Variants in CCNY observed in about 807,000 individuals in gnomAD.
CCNY encodes the protein cyclin Y.
Under a neutral mutation model 42.8 loss-of-function variants are expected in CCNY, and 19 were observed. The observed-to-expected ratio is 0.44, with a 90% confidence interval of 0.31 to 0.65. The LOEUF is 0.65. CCNY is among the 30% of genes least tolerant of loss of function. CCNY has a pLI of 0.07. For missense variants in CCNY, 370 were observed against 437.3 expected, an observed-to-expected ratio of 0.85 and a Z score of 1.37; for synonymous variants, 165 against 162.7, an observed-to-expected ratio of 1.01 and a Z score of -0.11.
At chr10:35,546,893 C>T (rs1350580350) in intron 7 of CCNY, among the ~76,000 whole-genome samples, 2 of 152,142 alleles carry the variant, frequency 1.3e-5, no homozygotes, top group Non-Finnish European at 2.9e-5. Context: ...CTGACCTCTG[C>T]GGAGAGCTTG....
intron 7 of CCNY, among the ~76,000 whole-genome samples, 175 bp from the exon 8 acceptor site, chr10:35,552,844 T>C (rs1841287732): frequency 6.6e-6 from 1 of 152,230 alleles, no homozygotes; most frequent in African/African-American, 2.4e-5. Flanking sequence ...AGTGGGACTT[T>C]TAGCCCACGT....
At chr10:35,337,286 C>G (rs1836063740) in intron 1 of CCNY, 79 bp downstream of exon 1, 1 of 1,339,350 alleles carries the variant, frequency 7.5e-7, no homozygotes, top group African/African-American at 1.5e-5. Flanking sequence ...CCCGGCTGCT[C>G]TTGCTTGCCC....
intron 3 of CCNY, chr10:35,250,660 C>G (rs553378932): frequency 4.3e-4 from 66 of 152,474 alleles, no homozygotes; most frequent in Middle Eastern, 3.4e-3. Context: ...TCAATTCTGC[C>G]TAATAGAGCC....
At chr10:35,348,905 G>A (rs1201867332) in intron 1 of CCNY, among the ~76,000 whole-genome samples, 2 of 150,410 alleles carry the variant, frequency 1.3e-5, no homozygotes, top group Non-Finnish European at 3.0e-5. Flanking sequence ...TTTTGAAAAT[G>A]AACCTTACTC....
intron 2 of CCNY, among the ~76,000 whole-genome samples, chr10:35,492,322 T>C (rs1411837435): frequency 6.6e-6 from 1 of 152,252 alleles, no homozygotes; most frequent in Non-Finnish European, 1.5e-5. Context: ...CCTCTGTCCA[T>C]GCTGGCCCAA....
chr10:35,420,328 C>T (rs1838132935), intron 1 of CCNY, among the ~76,000 whole-genome samples: 1 of 152,130 alleles, frequency 6.6e-6, no homozygotes, highest in African/African-American at 2.4e-5. Flanking sequence ...GGAGTGGGAT[C>T]CGACCCCAGT....
intron 3 of CCNY, among the ~76,000 whole-genome samples, chr10:35,268,141 T>C (rs1201702414): frequency 6.6e-6 from 1 of 152,054 alleles, no homozygotes; most frequent in Admixed American, 6.6e-5. Flanking sequence ...GTGATCTGCC[T>C]GCCTTGGCCT....
intron 1 of CCNY, among the ~76,000 whole-genome samples, chr10:35,396,612 G>C (rs1168689466): frequency 6.6e-6 from 1 of 152,264 alleles, no homozygotes; most frequent in Non-Finnish European, 1.5e-5. Context: ...GGGAGAGAGC[G>C]CTCCAGCCTT....
chr10:35,491,683 G>A (rs968895567), intron 2 of CCNY, among the ~76,000 whole-genome samples: 24 of 151,872 alleles, frequency 1.6e-4, no homozygotes, highest in South Asian at 6.2e-4. Flanking sequence ...GCACGATCTC[G>A]GCTCACTGCA....
chr10:35,337,208 G>T lies in CCNY; in HGVS notation c.154+1G>T. On this transcript the variant is annotated splice_donor_variant, in intron 1 of 9. Transcript: ENST00000374704. LOFTEE classifies it high-confidence loss of function. ...ATCAGCGACCGGGAGAACATAGACG[G>T]TGAGTGCGGCCCGCCGAGCCCCCTA... is the stretch of plus-strand genomic sequence containing the variant. 1 of 1,538,544 alleles carries T rather than the reference G, an allele frequency of 6.5e-7. No individual in the cohort carries two copies. The highest frequency in any genetic ancestry group is 2.0e-5 in the Admixed American group (1 of 50,580).
intron 3 of CCNY, among the ~76,000 whole-genome samples, chr10:35,280,482 G>A (rs201113347): frequency 6.2e-5 from 4 of 64,066 alleles, no homozygotes; most frequent in Non-Finnish European, 9.4e-5. Flanking sequence ...AAGGAAAGAA[G>A]GAAGGAAGGA....
At chr10:35,419,533 C>CTTTTTTTTGTTTTTTTTTTTTTTTT (rs1838109119) in intron 1 of CCNY, among the ~76,000 whole-genome samples, 1 of 129,686 alleles carries the variant, frequency 7.7e-6, no homozygotes, top group African/African-American at 3.2e-5. Flanking sequence ...TAGACCGTTC[C>CTTTTTTTTGTTTTTTTTTTTTTTTT]TTTTTTTTTT....
At chr10:35,356,598 A>T (rs960482056) in intron 1 of CCNY, among the ~76,000 whole-genome samples, 19 of 151,022 alleles carry the variant, frequency 1.3e-4, no homozygotes, top group African/African-American at 4.6e-4. Context: ...ATCTGCGCCC[A>T]CTCCTTAACC....
At chr10:35,385,040 C>T (rs1478854753) in intron 1 of CCNY, among the ~76,000 whole-genome samples, 6 of 152,156 alleles carry the variant, frequency 3.9e-5, no homozygotes, top group Non-Finnish European at 8.8e-5. Flanking sequence ...CTACAGCCTT[C>T]GTTCCTACCA....
intron 1 of CCNY, among the ~76,000 whole-genome samples, chr10:35,348,632 C>G (rs982465051): frequency 1.3e-5 from 2 of 152,150 alleles, no homozygotes; most frequent in Admixed American, 1.3e-4. Context: ...CAGGGAGGAC[C>G]CCATTGCAAG....
At chr10:35,309,848 G>C (rs939685665) in intron 3 of CCNY, among the ~76,000 whole-genome samples, 14 of 152,054 alleles carry the variant, frequency 9.2e-5, no homozygotes, top group African/African-American at 3.4e-4. Flanking sequence ...CGCCCAGGCT[G>C]GAGTGCAGTG....
At position 35,275,691 on chromosome 10, in the gene CCNY, A is replaced by G. The variant is rs551082131; in HGVS notation, c.-9+25065A>G. Among the ~76,000 whole-genome samples, 6 of 151,896 alleles carry G rather than the reference A, an allele frequency of 4.0e-5. No individual in the cohort carries two copies. In the East Asian group the frequency reaches 1.2e-3, roughly 30 times the overall value. On this transcript the variant is annotated intron_variant, in intron 3 of 11. Coordinates refer to the CCNY transcript ENST00000374706. The stretch of plus-strand genomic sequence containing the variant: ...GGCAGGAGAATGGCGTGAACCCGGG[A>G]GGCGGAGCTTGCAGTGAGCTGAGAT...
chr10:35,521,641 G>A (rs1589177347), intron 4 of CCNY, among the ~76,000 whole-genome samples: 1 of 152,190 alleles, frequency 6.6e-6, no homozygotes, highest in African/African-American at 2.4e-5. Flanking sequence ...CTGGCCCTGC[G>A]AAGGGGATAT....
intron 1 of CCNY, among the ~76,000 whole-genome samples, chr10:35,362,647 C>G (rs1263410504): frequency 6.6e-6 from 1 of 152,040 alleles, no homozygotes; most frequent in Non-Finnish European, 1.5e-5. Context: ...AAAATGCAAA[C>G]TTTGGAGAGG....
Sources: allele counts gnomAD v4.1 joint callset (sites outside exome capture counted in the v4.1 genomes callset), GRCh38; gene constraint gnomAD v4.1.1; transcripts MANE v1.5; gene names NCBI Gene and HGNC (gene_info 2026-07-23, HGNC 2026-07-21).